Variants in GPR176 observed in about 807,000 individuals in gnomAD.
The protein encoded by GPR176 is G protein-coupled receptor 176.
In GPR176, 26 loss-of-function variants were observed where a neutral mutation model predicts 35.4. The ratio of observed to expected loss-of-function variants is 0.74; its 90% CI spans 0.54 to 1.02. GPR176 has a LOEUF of 1.02. Ranked by LOEUF, GPR176 falls within the 50% of genes least tolerant of loss-of-function variation. The pLI is 0.00. For synonymous variants in GPR176, 278 were observed against 271.3 expected, an observed-to-expected ratio of 1.02 and a Z score of -0.24; for missense variants, 597 against 665.3, an observed-to-expected ratio of 0.90 and a Z score of 1.13.
At chr15:39,884,174 C>T (rs2032585552) in intron 1 of GPR176, among the ~76,000 whole-genome samples, 1 of 152,182 alleles carries the variant, frequency 6.6e-6, no homozygotes, top group South Asian at 2.1e-4. Flanking sequence ...GCTCCTAATC[C>T]CTCTGACTTT....
At chr15:39,882,850 T>C (rs1322202526) in intron 1 of GPR176, among the ~76,000 whole-genome samples, 2 of 152,206 alleles carry the variant, frequency 1.3e-5, no homozygotes, top group African/African-American at 4.8e-5. Flanking sequence ...ATGCAGACTT[T>C]TGAAATGATG....
intron 1 of GPR176, among the ~76,000 whole-genome samples, chr15:39,835,370 ATAAAAAT>A (rs1254226854): frequency 1.3e-5 from 2 of 152,136 alleles, no homozygotes; most frequent in African/African-American, 4.8e-5. Context: ...CTCACAAAAA[ATAAAAAT>A]TAAAAATTTT....
At chr15:39,831,144 A>G (rs2140828228) in intron 1 of GPR176, among the ~76,000 whole-genome samples, 1 of 152,326 alleles carries the variant, frequency 6.6e-6, no homozygotes, top group Non-Finnish European at 1.5e-5. Flanking sequence ...ACTTGAGCAA[A>G]CAATGGAAAT....
At chr15:39,892,333 AATTAC>A (rs1434028881) in intron 1 of GPR176, among the ~76,000 whole-genome samples, 1 of 107,480 alleles carries the variant, frequency 9.3e-6, no homozygotes, top group Non-Finnish European at 1.6e-5. Context: ...AGCCTACTGT[AATTAC>A]ATTACATTAA....
At chr15:39,876,898 G>C (rs1250130602) in intron 1 of GPR176, among the ~76,000 whole-genome samples, 9 of 151,746 alleles carry the variant, frequency 5.9e-5, no homozygotes, top group African/African-American at 2.2e-4. Context: ...GAGAGAGAGA[G>C]AATGAAAGAG....
At chr15:39,891,628 T>G (rs2032875614) in intron 1 of GPR176, among the ~76,000 whole-genome samples, 1 of 152,206 alleles carries the variant, frequency 6.6e-6, no homozygotes, top group Non-Finnish European at 1.5e-5. Context: ...TGTGCCACCA[T>G]GCCTGGCATG....
chr15:39,871,955 G>A (rs2032057993), intron 1 of GPR176, among the ~76,000 whole-genome samples: 1 of 152,156 alleles, frequency 6.6e-6, no homozygotes, highest in South Asian at 2.1e-4. Context: ...CCCTGAATTA[G>A]CAAATTAGAT....
chr15:39,873,207 G>C (rs898553071), intron 1 of GPR176, among the ~76,000 whole-genome samples: 2 of 152,136 alleles, frequency 1.3e-5, no homozygotes, highest in Admixed American at 1.3e-4. Context: ...TTTTCTGCCT[G>C]AGAAAACAGA....
intron 1 of GPR176, among the ~76,000 whole-genome samples, chr15:39,868,301 G>A (rs1239504130): frequency 6.6e-6 from 1 of 152,156 alleles, no homozygotes; most frequent in Non-Finnish European, 1.5e-5. Context: ...AATGTGATTG[G>A]TGATGTGATC....
At chr15:39,875,179 T>C (rs2032195348) in intron 1 of GPR176, among the ~76,000 whole-genome samples, 1 of 152,200 alleles carries the variant, frequency 6.6e-6, no homozygotes, top group African/African-American at 2.4e-5. Context: ...TTCACTCACT[T>C]TTGTTTGGAA....
chr15:39,867,376 T>C (rs2031871203), intron 1 of GPR176, among the ~76,000 whole-genome samples: 1 of 151,666 alleles, frequency 6.6e-6, no homozygotes, highest in African/African-American at 2.4e-5. Context: ...ATGTGGACAA[T>C]AAGAATAAGT....
chr15:39,902,600 A>G (rs956175638), intron 1 of GPR176, among the ~76,000 whole-genome samples: 2 of 152,178 alleles, frequency 1.3e-5, no homozygotes, highest in Non-Finnish European at 2.9e-5. Context: ...TCATCAATCA[A>G]TGAAAGGGTC....
At chr15:39,912,457 G>GA (rs961259963) in intron 1 of GPR176, among the ~76,000 whole-genome samples, 67 of 143,666 alleles carry the variant, frequency 4.7e-4, no homozygotes, top group South Asian at 4.0e-3. Context: ...TCTCTACCAA[G>GA]AAAAAAAAAA....
At chr15:39,812,537 C>T (rs945297995) in intron 1 of GPR176, among the ~76,000 whole-genome samples, 2 of 152,182 alleles carry the variant, frequency 1.3e-5, no homozygotes, top group Admixed American at 6.5e-5. Context: ...GCACTATTGG[C>T]TTCCCTACTT....
intron 1 of GPR176, among the ~76,000 whole-genome samples, chr15:39,820,858 A>G (rs1376301351): frequency 1.3e-5 from 2 of 152,140 alleles, no homozygotes; most frequent in Non-Finnish European, 2.9e-5. Flanking sequence ...CAACAGGGAG[A>G]CTTATTTCAG....
At chr15:39,873,698 C>T (rs2032137429) in intron 1 of GPR176, among the ~76,000 whole-genome samples, 1 of 150,968 alleles carries the variant, frequency 6.6e-6, no homozygotes, top group African/African-American at 2.4e-5. Context: ...AGTAGACCAA[C>T]CAAGTGGGAG....
chr15:39,893,257 G>T (rs1018353398), intron 1 of GPR176, among the ~76,000 whole-genome samples: 1 of 152,116 alleles, frequency 6.6e-6, no homozygotes, highest in African/African-American at 2.4e-5. Context: ...GCAGCCTTCC[G>T]CAGTGTTTGT....
chr15:39,848,150 T>A (rs1338864647), intron 1 of GPR176, among the ~76,000 whole-genome samples: 1 of 152,072 alleles, frequency 6.6e-6, no homozygotes, highest in Non-Finnish European at 1.5e-5. Flanking sequence ...GGATTACAAT[T>A]CGACATGAGA....
chr15:39,894,625 G>T (rs548683789), intron 1 of GPR176: 341 of 170,086 alleles, frequency 2.0e-3, no homozygotes, highest in Non-Finnish European at 3.6e-3. Context: ...GACGATGGGC[G>T]GCCGGGCAGA....
Sources: allele counts gnomAD v4.1 joint callset (sites outside exome capture counted in the v4.1 genomes callset), GRCh38; gene constraint gnomAD v4.1.1; transcripts MANE v1.5; gene names NCBI Gene and HGNC (gene_info 2026-07-23, HGNC 2026-07-21).